Variants in PPP2R5C observed in about 807,000 individuals in gnomAD.
PPP2R5C encodes serine/threonine-protein phosphatase 2A 56 kDa regulatory subunit gamma isoform.
In PPP2R5C, 7 loss-of-function variants were observed where a neutral mutation model predicts 68.9. The observed-to-expected ratio is 0.10, with a 90% CI of 0.06 to 0.19. The LOEUF (loss-of-function observed/expected upper bound fraction) is 0.19. Ranked by LOEUF, PPP2R5C falls within the 10% of genes least tolerant of loss-of-function variation. The probability of loss-of-function intolerance (pLI) is 1.00; values close to 1 mark genes in which losing one functional copy is unlikely to be tolerated. For synonymous variants in PPP2R5C, 210 were observed against 222.2 expected (o/e 0.95, Z 0.49); for missense variants, 348 against 641.3 (o/e 0.54, Z 4.94).
intron 2 of PPP2R5C, among the ~76,000 whole-genome samples, chr14:101,858,919 C>T (rs969224168): frequency 6.6e-6 from 1 of 152,174 alleles, no homozygotes; most frequent in Non-Finnish European, 1.5e-5. Flanking sequence ...TTACTGGCAC[C>T]ACTTAGGATA....
intron 2 of PPP2R5C, among the ~76,000 whole-genome samples, chr14:101,859,360 A>G (rs2042620339): frequency 6.6e-6 from 1 of 152,254 alleles, no homozygotes; most frequent in South Asian, 2.1e-4. Flanking sequence ...GGGCGGGAAG[A>G]AGGCGCAGAG....
chr14:101,901,610 C>A (rs565631324), intron 8 of PPP2R5C, 109 bp from the exon 11 acceptor site: 210 of 1,062,268 alleles, frequency 2.0e-4, no homozygotes, highest in African/African-American at 8.3e-4. Flanking sequence ...GCACCATCTC[C>A]GTGTGTTGCC....
At chr14:101,853,706 G>A (rs576963575) in intron 1 of PPP2R5C, among the ~76,000 whole-genome samples, 13 of 152,220 alleles carry the variant, frequency 8.5e-5, no homozygotes, top group African/African-American at 1.7e-4. Context: ...TCATAGCACC[G>A]TGGCCTTAGG....
chr14:101,810,143 C>T lies in PPP2R5C; in HGVS notation c.94+107C>T, dbSNP rs894648539. ...AGGAAGTCCTTTCTAGCAGAATTCA[C>T]CCCATTTCGCTGCAGACTTAACCAG... On this transcript the variant is annotated intron_variant, in intron 1 of 13. Coordinates refer to ENST00000334743, the Ensembl canonical transcript of PPP2R5C. The T allele has an allele frequency of 1.3e-5, 13 of 1,038,750 alleles. No individual in the cohort carries two copies. In the Admixed American group the frequency reaches 2.7e-4, roughly 21 times the overall value. 64.3% of individuals were successfully genotyped at this position (1,038,750 alleles called of 1,614,324 possible). A position where few individuals can be genotyped will look rare whatever the true frequency, so the allele number is the denominator to read the frequency against.
chr14:101,784,814 G>T (rs1389342718), intron 2 of PPP2R5C, among the ~76,000 whole-genome samples: 3 of 152,230 alleles, frequency 2.0e-5, no homozygotes, highest in African/African-American at 7.2e-5. Flanking sequence ...GGACACAGCA[G>T]CTGTTGGCTG....
chr14:101,902,032 A>G (rs1393315400), intron 9 of PPP2R5C, 143 bp downstream of exon 11: 2 of 872,182 alleles, frequency 2.3e-6, no homozygotes, highest in East Asian at 2.6e-5. Flanking sequence ...TACTTCAAAT[A>G]CGATGCTGTA....
intron 2 of PPP2R5C, among the ~76,000 whole-genome samples, chr14:101,763,244 G>A (rs1441190283): frequency 6.6e-6 from 1 of 151,812 alleles, no homozygotes; most frequent in African/African-American, 2.4e-5. Flanking sequence ...TTTTGAGACG[G>A]GGTCTCACTT....
At chr14:101,832,558 G>A (rs952684615) in intron 1 of PPP2R5C, among the ~76,000 whole-genome samples, 14 of 152,180 alleles carry the variant, frequency 9.2e-5, no homozygotes, top group African/African-American at 2.9e-4. Context: ...GCGACTCTGG[G>A]TTCCACCTGG....
intron 1 of PPP2R5C, among the ~76,000 whole-genome samples, chr14:101,828,239 G>A (rs1352882891): frequency 6.6e-6 from 1 of 152,172 alleles, no homozygotes; most frequent in Non-Finnish European, 1.5e-5. Flanking sequence ...AGGGGCTGCG[G>A]GGAGGGAGGA....
intron 1 of PPP2R5C, among the ~76,000 whole-genome samples, chr14:101,838,258 G>A (rs1353875606): frequency 6.6e-6 from 1 of 152,202 alleles, no homozygotes; most frequent in Non-Finnish European, 1.5e-5. Flanking sequence ...AGCCGGTGTG[G>A]TGGAAAAAGG....
At chr14:101,770,723 T>C (rs1032229375) in intron 2 of PPP2R5C, among the ~76,000 whole-genome samples, 5 of 152,232 alleles carry the variant, frequency 3.3e-5, no homozygotes, top group Non-Finnish European at 7.3e-5. Context: ...ATCTAAAATT[T>C]TCCAGTTCAA....
At chr14:101,783,701 CG>C (rs2037952299) in intron 2 of PPP2R5C, among the ~76,000 whole-genome samples, 1 of 152,230 alleles carries the variant, frequency 6.6e-6, no homozygotes, top group Non-Finnish European at 1.5e-5. Flanking sequence ...TCCATGCAGC[CG>C]ACCTTCCAGC....
In PPP2R5C at chr14:101,859,130, C is replaced by T. The variant is rs1040312475; in HGVS notation, c.294+2245C>T. ...CACTGAGCATCCATCATGGGCCAGG[C>T]ACGTTTTGGGGTGAGGAAATAGAAT... On this transcript the variant is annotated intron_variant, in intron 2 of 13. Transcript: ENST00000334743. Among the ~76,000 whole-genome samples, 8 of 152,342 alleles carry T rather than the reference C, an allele frequency of 5.3e-5. 1 individual carries two copies. The highest frequency in any genetic ancestry group is 1.9e-4 in the African/African-American group (8 of 41,574).
chr14:101,802,305 G>A (rs567361192), intron 3 of PPP2R5C, among the ~76,000 whole-genome samples: 54 of 152,176 alleles, frequency 3.5e-4, no homozygotes, highest in African/African-American at 1.2e-3. Context: ...CCAGCCACTC[G>A]GGAGGCTGAG....
chr14:101,775,317 A>G (rs1036195482), intron 2 of PPP2R5C, among the ~76,000 whole-genome samples: 2 of 152,204 alleles, frequency 1.3e-5, no homozygotes, highest in Non-Finnish European at 2.9e-5. Flanking sequence ...CTTATATGAT[A>G]AAACATCTAG....
intron 1 of PPP2R5C, among the ~76,000 whole-genome samples, chr14:101,848,446 G>A (rs112333124): frequency 0.099 from 15,072 of 151,966 alleles, 831 homozygotes; most frequent in Non-Finnish European, 0.13. Context: ...CAGGAGAATC[G>A]CTTGAACCCA....
intron 2 of PPP2R5C, among the ~76,000 whole-genome samples, chr14:101,783,813 G>C (rs1351801088): frequency 6.6e-6 from 1 of 152,190 alleles, no homozygotes; most frequent in East Asian, 1.9e-4. Context: ...AGGAGATGGA[G>C]AACATTATCT....
intron 1 of PPP2R5C, among the ~76,000 whole-genome samples, chr14:101,821,706 A>G (rs1189387444): frequency 6.6e-6 from 1 of 151,976 alleles, no homozygotes; most frequent in Non-Finnish European, 1.5e-5. Context: ...GTAAATGCTT[A>G]ATGTGGTCTC....
chr14:101,762,040 T>C (rs2036570241), intron 1 of PPP2R5C, 120 bp downstream of exon 1: 5 of 1,020,778 alleles, frequency 4.9e-6, no homozygotes, highest in Admixed American at 1.1e-4. Flanking sequence ...CGCCGCGGGC[T>C]TCGCGTCCCC....
Sources: allele counts gnomAD v4.1 joint callset (sites outside exome capture counted in the v4.1 genomes callset), GRCh38; gene constraint gnomAD v4.1.1; transcripts MANE v1.5; gene names NCBI Gene and HGNC (gene_info 2026-07-23, HGNC 2026-07-21).